LZTFL1: variants seen among roughly 807,000 people sequenced by gnomAD.
LZTFL1 encodes the protein leucine zipper transcription factor like 1.
LZTFL1 carries 25 observed loss-of-function variants against 45.9 expected under a neutral mutation model. The observed-to-expected ratio is 0.54, with a 90% CI of 0.40 to 0.76. LZTFL1 has a LOEUF of 0.76. LZTFL1 is among the 30% of genes least tolerant of loss of function. The probability of loss-of-function intolerance (pLI) is 0.00; values close to 1 mark genes in which losing one functional copy is unlikely to be tolerated. For missense variants in LZTFL1, 277 were observed against 331.1 expected, an observed-to-expected ratio of 0.84 and a Z score of 1.27; for synonymous variants, 93 against 117.4, an observed-to-expected ratio of 0.79 and a Z score of 1.35.
At chr3:45,910,388 A>C (rs141358060) in intron 2 of LZTFL1, among the ~76,000 whole-genome samples, 2 of 152,280 alleles carry the variant, frequency 1.3e-5, no homozygotes, top group Non-Finnish European at 2.9e-5. Flanking sequence ...TTGAATCTGC[A>C]CGTTTGGGTG....
At chr3:45,910,155 G>A (rs35280891) in intron 2 of LZTFL1, among the ~76,000 whole-genome samples, 13,937 of 152,200 alleles carry the variant, frequency 0.092, 1,040 homozygotes, top group South Asian at 0.35. Context: ...AAGCCCCCAG[G>A]AGAAGAAGGG....
chr3:45,834,375 G>C, intron 3 of LZTFL1, 77 bp from the exon 4 acceptor site: 1 of 917,604 alleles, frequency 1.1e-6, no homozygotes, highest in Non-Finnish European at 1.7e-6. Context: ...TAAAATCACT[G>C]GTACCAACCC....
intron 1 of LZTFL1, among the ~76,000 whole-genome samples, chr3:45,915,161 C>G (rs576075527): frequency 6.6e-6 from 1 of 152,360 alleles, no homozygotes; most frequent in African/African-American, 2.4e-5. Flanking sequence ...CCACCAGATG[C>G]ATGGGGCAGC....
At chr3:45,870,913 A>C (rs1701661242) in intron 2 of LZTFL1, among the ~76,000 whole-genome samples, 1 of 152,206 alleles carries the variant, frequency 6.6e-6, no homozygotes, top group African/African-American at 2.4e-5. Flanking sequence ...AATGGATAAT[A>C]CTTGAGTGTT....
intron 4 of LZTFL1, among the ~76,000 whole-genome samples, 192 bp from the exon 5 acceptor site, chr3:45,833,313 C>T (rs2125683355): frequency 6.6e-6 from 1 of 152,322 alleles, no homozygotes; most frequent in South Asian, 2.1e-4. Context: ...GCCTGTCCTA[C>T]AGTGCCCCAT....
intron 2 of LZTFL1, among the ~76,000 whole-genome samples, chr3:45,869,298 T>C (rs1393148092): frequency 6.6e-6 from 1 of 152,222 alleles, no homozygotes; most frequent in Non-Finnish European, 1.5e-5. Context: ...TGGGAAACCC[T>C]TGGGATGCTA....
chr3:45,913,297 A>T, intron 1 of LZTFL1: 2 of 703,936 alleles, frequency 2.8e-6, no homozygotes, highest in Non-Finnish European at 4.6e-6. Context: ...CAACCTAAAG[A>T]TCCTTAACTT....
chr3:45,844,990 C>T (rs757128490), upstream of LZTFL1, among the ~76,000 whole-genome samples: 4 of 152,166 alleles, frequency 2.6e-5, no homozygotes, highest in Non-Finnish European at 5.9e-5. Flanking sequence ...GCATTAACAA[C>T]ACCCCAAAGG....
At chr3:45,841,613 T>C (rs1025604365) in intron 1 of LZTFL1, 6 of 307,610 alleles carry the variant, frequency 2.0e-5, no homozygotes, top group Non-Finnish European at 3.7e-5. Flanking sequence ...TGTGTGTGCG[T>C]AAACTTGGAG....
intron 2 of LZTFL1, chr3:45,902,062 T>C: frequency 1.5e-6 from 1 of 652,604 alleles, no homozygotes; most frequent in Non-Finnish European, 2.6e-6. Flanking sequence ...AAGCAAATAT[T>C]TCAAAATCAA....
intron 2 of LZTFL1, among the ~76,000 whole-genome samples, chr3:45,897,142 C>G (rs945242418): frequency 2.6e-5 from 4 of 152,154 alleles, no homozygotes; most frequent in African/African-American, 9.7e-5. Context: ...TGGCTGTGCA[C>G]TGAGGTTTGT....
intron 4 of LZTFL1, 99 bp downstream of exon 4, chr3:45,834,139 C>T: frequency 1.5e-6 from 1 of 646,490 alleles, no homozygotes; most frequent in Non-Finnish European, 2.7e-6. Flanking sequence ...AATGCTTTTC[C>T]TTAAGAGTTC....
chr3:45,883,816 G>A (rs1200607986), intron 2 of LZTFL1: 2 of 532,172 alleles, frequency 3.8e-6, no homozygotes, highest in African/African-American at 3.9e-5. Context: ...CATGAAGAGT[G>A]AGAGTTGCAG....
upstream of LZTFL1, among the ~76,000 whole-genome samples, chr3:45,842,492 A>G (rs1701146511): frequency 6.6e-6 from 1 of 150,810 alleles, no homozygotes; most frequent in Admixed American, 6.6e-5. Flanking sequence ...TTTTTTTTTC[A>G]GGAGTTCCTA....
intron 3 of LZTFL1, 139 bp downstream of exon 3, chr3:45,835,451 G>A (rs1700940667): frequency 2.9e-6 from 2 of 689,396 alleles, no homozygotes; most frequent in Non-Finnish European, 5.0e-6. Context: ...ATCACTCAGT[G>A]ACTCAATGCT....
At chr3:45,856,993 C>A (rs1188420832) in intron 3 of LZTFL1, among the ~76,000 whole-genome samples, 5 of 152,274 alleles carry the variant, frequency 3.3e-5, no homozygotes, top group Non-Finnish European at 5.9e-5. Context: ...TGAGAAATAC[C>A]ATTTGACCCA....
chr3:45,890,260 T>TATATATATATATTTATATAA lies in LZTFL1; in HGVS notation c.-215+22859_-215+22860insTTATATAAATATATATATAT, dbSNP rs1702108271. ...TGACATAAGCCCTGGGTATTAGAAA[T>TATATATATATATTTATATAA]ATATATATAACATATATATATATTT... On this transcript the variant is annotated intron_variant, in intron 2 of 4. Transcript: ENST00000472635. 4.2e-4 allele frequency among the ~76,000 whole-genome samples: 3 copies of TATATATATATATTTATATAA among 7,154 alleles called. 1 individual carries two copies. The highest frequency in any genetic ancestry group is 6.6e-4 in the Non-Finnish European group (3 of 4,542). The allele number at this position is 7,154 out of a possible 152,430, so 4.7% of individuals were successfully genotyped here. A position where few individuals can be genotyped will look rare whatever the true frequency, so the allele number is the denominator to read the frequency against.
At chr3:45,830,642 A>G (rs1234637460) in intron 7 of LZTFL1, among the ~76,000 whole-genome samples, 2 of 152,052 alleles carry the variant, frequency 1.3e-5, no homozygotes, top group Non-Finnish European at 2.9e-5. Context: ...AAACTTAAAA[A>G]ATAAATGTGA....
chr3:45,887,178 G>A (rs938913612), intron 2 of LZTFL1, among the ~76,000 whole-genome samples: 3 of 152,130 alleles, frequency 2.0e-5, no homozygotes, highest in Admixed American at 6.5e-5. Context: ...ATCCATGAAA[G>A]ATGGGCAATT....
Sources: gnomAD v4.1 joint callset for allele counts (sites outside exome capture counted in the v4.1 genomes callset) on GRCh38, gnomAD v4.1.1 for gene constraint, MANE v1.5 for transcripts, NCBI Gene and HGNC (gene_info 2026-07-23, HGNC 2026-07-21) for gene names.